RGL3: variants seen among roughly 807,000 people sequenced by gnomAD.
RGL3 encodes ral guanine nucleotide dissociation stimulator like 3.
In RGL3, 85 loss-of-function variants were observed where a neutral mutation model predicts 90.6. The ratio of observed to expected loss-of-function variants is 0.94; its 90% CI spans 0.79 to 1.12. The LOEUF (loss-of-function observed/expected upper bound fraction) is 1.12. Ranked by LOEUF, RGL3 falls within the 50% of genes most tolerant of loss-of-function variation. The pLI is 0.00. For missense variants in RGL3, 1,034 were observed against 939.2 expected (o/e 1.10, Z -1.32); for synonymous variants, 408 against 385.5 (o/e 1.06, Z -0.68).
intron 2 of RGL3, among the ~76,000 whole-genome samples, chr19:11,418,245 C>T (rs1472610972): frequency 2.4e-5 from 3 of 123,206 alleles, no homozygotes; most frequent in Non-Finnish European, 3.5e-5. Context: ...CTCCCCCCAC[C>T]CCCCCGCCCC....
chr19:11,409,499 AAAC>A (rs1355035377), intron 5 of RGL3, among the ~76,000 whole-genome samples: 2 of 141,422 alleles, frequency 1.4e-5, no homozygotes, highest in Admixed American at 7.2e-5. Flanking sequence ...AAACAAAACA[AAAC>A]AAACAAACAA....
At chr19:11,412,227 C>G (rs1315094775) in intron 5 of RGL3, among the ~76,000 whole-genome samples, 3 of 147,324 alleles carry the variant, frequency 2.0e-5, no homozygotes, top group Non-Finnish European at 4.4e-5. Flanking sequence ...TTGAGGTGAG[C>G]TGAGATCCTG....
chr19:11,406,473 GC>G lies in RGL3; in HGVS notation c.941del (p.Gly314AlafsTer52). 6.4e-7 allele frequency: 1 copy of G among 1,553,044 alleles called. No individual in the cohort carries two copies. The highest frequency in any genetic ancestry group is 8.7e-7 in the Non-Finnish European group (1 of 1,152,042). On this transcript the variant is annotated frameshift_variant, in exon 7 of 19. Transcript: ENST00000380456. LOFTEE classifies it high-confidence loss of function. ...CVLGSVLGAPGLAAPQRAQRL... is the reference protein window; with the variant it reads ...CVLGSVLGAPXLAAPQRAQRL... ...GCTGCGCCCTCTGCGGGGCGGCCAA[GC>G]CCGGTGCTCCGAGCACGGAACCCAG...
chr19:11,417,219 T>C (rs1392554568), intron 2 of RGL3, among the ~76,000 whole-genome samples, 160 bp from the exon 3 acceptor site: 1 of 151,534 alleles, frequency 6.6e-6, no homozygotes, highest in Non-Finnish European at 1.5e-5. Context: ...TGGCACGATC[T>C]TGGGTCACTT....
intron 5 of RGL3, chr19:11,411,304 C>T (rs977581680): frequency 2.0e-5 from 3 of 152,204 alleles, no homozygotes; most frequent in African/African-American, 7.2e-5. Context: ...TCCTCCTTCC[C>T]CCAGCTCTAT....
chr19:11,414,153 A>ATATATATATATATATACACC (rs1568341447), intron 5 of RGL3, among the ~76,000 whole-genome samples: 6 of 85,016 alleles, frequency 7.1e-5, no homozygotes, highest in Non-Finnish European at 9.1e-5. Flanking sequence ...ATATATATAT[A>ATATATATATATATATACACC]TATATATATA....
rs1222956573 is a variant in RGL3 at position 11,414,162 on chromosome 19, T to C, written c.637+1775A>G. Among the ~76,000 whole-genome samples, 37 of 112,048 alleles carry C rather than the reference T, an allele frequency of 3.3e-4. 1 individual carries two copies. Among genetic ancestry groups the C allele is most frequent in the African/African-American group, 9.2e-4 (25 of 27,260 alleles). 73.5% of individuals were successfully genotyped at this position (112,048 alleles called of 152,430 possible). Reference sequence around the variant, plus strand: ...ATATATATATATATATATATATATATATATATATATATATACACCTATATA... The same window carrying C: ...ATATATATATATATATATATATATACATATATATATATATACACCTATATA... On this transcript the variant is annotated intron_variant, in intron 5 of 18. Transcript: ENST00000380456.
rs1219976286 is a variant in RGL3 at position 11,416,940 on chromosome 19, G to C, written c.267C>G (p.Asp89Glu). The change falls in exon 3 of 19, where the codon GAC becomes GAG. Residue 89 changes from aspartate (D) to glutamate (E), a missense_variant. Physicochemically the swap from Asp to Glu is conservative, Grantham distance 45. Coordinates refer to ENST00000380456, the MANE Select transcript of RGL3 (RefSeq NM_001035223.4). ...CCAGGAAGGCGGGCATGAAGCTGGG[G>C]TCCTGCTCACGGTCTCCAAACACCA... ...GELVFGDREQ[D>E]PSFMPAFLAT... 3 of 1,614,096 alleles carry C rather than the reference G, an allele frequency of 1.9e-6. No homozygotes were observed. The highest frequency in any genetic ancestry group is 2.5e-6 in the Non-Finnish European group (3 of 1,180,038).
intron 18 of RGL3, among the ~76,000 whole-genome samples, chr19:11,395,742 C>T (rs1198516551): frequency 1.3e-5 from 2 of 151,954 alleles, no homozygotes; most frequent in African/African-American, 4.8e-5. Flanking sequence ...ATTCTTCTGC[C>T]TCAGCCTCCT....
intron 7 of RGL3, among the ~76,000 whole-genome samples, chr19:11,406,081 A>G (rs916651185): frequency 1.3e-5 from 2 of 151,786 alleles, no homozygotes; most frequent in Non-Finnish European, 2.9e-5. Context: ...ACATCCGACA[A>G]GCTACCAAGA....
At position 11,405,147 on chromosome 19, in the gene RGL3, C is replaced by G. The variant is rs1968748075; in HGVS notation, c.1185G>C (p.Gln395His). The change falls in exon 9 of 19, where the codon CAG (glutamine) becomes CAC (histidine). Residue 395 changes from glutamine (Q) to histidine (H), a missense_variant and splice_region_variant. Gln to His is a conservative substitution (Grantham distance 24). Coordinates refer to ENST00000380456, the MANE Select transcript of RGL3 (RefSeq NM_001035223.4). ...CCCTGGAGTCTGCATCCATCTCTAC[C>G]TGGAAAAGAATCTCTCTGCTGCTGA... is the stretch of plus-strand genomic sequence containing the variant. ...NHLSSREILFQEEATEGSQEE... is the reference protein window; with the variant it reads ...NHLSSREILFHEEATEGSQEE... 3 of 1,613,868 alleles carry G rather than the reference C, an allele frequency of 1.9e-6. No individual in the cohort carries two copies. Among genetic ancestry groups the G allele is most frequent in the East Asian group, 4.5e-5 (2 of 44,878 alleles).
intron 7 of RGL3, 69 bp downstream of exon 7, chr19:11,406,350 C>G (rs760041514): frequency 7.0e-7 from 1 of 1,421,856 alleles, no homozygotes; most frequent in Non-Finnish European, 9.5e-7. Context: ...TATCTCTCTC[C>G]GGAGCCCTCA....
At chr19:11,405,031 G>A (rs1229605861) in intron 9 of RGL3, 116 bp downstream of exon 9, 3 of 855,762 alleles carry the variant, frequency 3.5e-6, no homozygotes, top group Non-Finnish European at 6.0e-6. Flanking sequence ...TCATTGCTGA[G>A]CGGTAGGGAA....
chr19:11,402,163 T>TGCCCCACCCCC, intron 12 of RGL3, 31 bp from the exon 13 acceptor site: 1 of 1,596,358 alleles, frequency 6.3e-7, no homozygotes, highest in Non-Finnish European at 8.6e-7. Flanking sequence ...ACCCTACCCC[T>TGCCCCACCCCC]GCCCCACCCC....
In RGL3 at chr19:11,402,051, C is replaced by G. The variant is rs200359804; in HGVS notation, c.1444G>C (p.Ala482Pro). 2 of 1,570,882 alleles carry G rather than the reference C, an allele frequency of 1.3e-6. No homozygotes were observed. The highest frequency in any genetic ancestry group is 1.7e-6 in the Non-Finnish European group (2 of 1,158,182). Residue 482 changes from alanine to proline, a missense_variant, in exon 13 of 19, where the codon GCT becomes CCT. Ala to Pro is a conservative substitution (Grantham distance 27). Coordinates refer to ENST00000380456, the MANE Select transcript of RGL3 (RefSeq NM_001035223.4). ...AGCTGGTTCTGGGCATGCAGGGCAG[C>G]CAGGATGGGCGGGTGGGGGCTCAGG... The part of the protein sequence containing the change: ...YTLSPHPPIL[A>P]ALHAQNQLTE...
chr19:11,397,367 G>C lies in RGL3; in HGVS notation c.1900-9C>G. 1.3e-6 allele frequency: 2 copies of C among 1,593,452 alleles called. No individual in the cohort carries two copies. Among genetic ancestry groups the C allele is most frequent in the Non-Finnish European group, 1.7e-6 (2 of 1,168,932 alleles). ...TTGTCCTGACTGGTCAGCTGGAAGA[G>C]AGGGGCGGGAGGTGAGGTGAGGGCC... On this transcript the variant is annotated splice_polypyrimidine_tract_variant and intron_variant, in intron 17 of 18. Coordinates refer to ENST00000380456, the MANE Select transcript of RGL3 (RefSeq NM_001035223.4).
At chr19:11,397,661 G>A in intron 16 of RGL3, 64 bp from the exon 17 acceptor site, 2 of 1,428,504 alleles carry the variant, frequency 1.4e-6, no homozygotes, top group Non-Finnish European at 1.9e-6. Flanking sequence ...GGCTAGAAAA[G>A]CACGAACACC....
chr19:11,414,501 A>ACC (rs1555720235), intron 5 of RGL3, among the ~76,000 whole-genome samples: 2 of 75,950 alleles, frequency 2.6e-5, no homozygotes, highest in African/African-American at 9.9e-5. Flanking sequence ...ATATATATAT[A>ACC]TATATATATA....
intron 5 of RGL3, among the ~76,000 whole-genome samples, chr19:11,410,223 A>G (rs1968850132): frequency 6.6e-6 from 1 of 150,576 alleles, no homozygotes; most frequent in Admixed American, 6.7e-5. Context: ...CTGGTCTCGA[A>G]CTCCTGACCT....
Sources: gnomAD v4.1 joint callset for allele counts (sites outside exome capture counted in the v4.1 genomes callset) on GRCh38, gnomAD v4.1.1 for gene constraint, MANE v1.5 for transcripts, NCBI Gene and HGNC (gene_info 2026-07-23, HGNC 2026-07-21) for gene names.